The following PIK3AP1 variants were observed in gnomAD, a reference collection of about 807,000 sequenced individuals.
PIK3AP1 encodes the protein phosphoinositide-3-kinase adaptor protein 1.
PIK3AP1 carries 21 observed loss-of-function variants against 88.1 expected under a neutral mutation model. The ratio of observed to expected loss-of-function variants is 0.24; its 90% CI spans 0.17 to 0.34. The LOEUF is 0.34. PIK3AP1 is among the 10% of genes least tolerant of loss of function. The probability of loss-of-function intolerance (pLI) is 1.00; values close to 1 mark genes in which losing one functional copy is unlikely to be tolerated. For missense variants in PIK3AP1, 828 were observed against 1,035.7 expected, an observed-to-expected ratio of 0.80 and a Z score of 2.75; for synonymous variants, 398 against 400.0, an observed-to-expected ratio of 1.00 and a Z score of 0.06.
At chr10:96,652,872 C>T (rs771810257) in intron 3 of PIK3AP1, 30 bp from the exon 4 acceptor site, 66 of 1,606,734 alleles carry the variant, frequency 4.1e-5, no homozygotes, top group Non-Finnish European at 5.3e-5. Context: ...ATTGTCCCCT[C>T]TCCCTCTCAG....
At chr10:96,700,698 C>A (rs1007463857) in intron 2 of PIK3AP1, 3 of 583,430 alleles carry the variant, frequency 5.1e-6, no homozygotes, top group African/African-American at 2.0e-5. Flanking sequence ...CACAAGGCAC[C>A]AGGACAGCAG....
In PIK3AP1 at chr10:96,651,245, T is replaced by G. The variant is rs1421169725; in HGVS notation, c.988+3A>C. The G allele has an allele frequency of 1.9e-6, 3 of 1,614,244 alleles. No individual in the cohort carries two copies. The highest frequency in any genetic ancestry group is 2.5e-6 in the Non-Finnish European group (3 of 1,180,038). ...GTTTCCTGAGGTTTGACTGTCAACT[T>G]ACTTGTCATCATATCTTCTTCTTCC... On this transcript the variant is annotated splice_donor_region_variant and intron_variant, in intron 6 of 16. Coordinates refer to ENST00000339364, the MANE Select transcript of PIK3AP1 (RefSeq NM_152309.3).
intron 2 of PIK3AP1, among the ~76,000 whole-genome samples, chr10:96,662,620 C>T (rs544253121): frequency 6.6e-6 from 1 of 151,362 alleles, no homozygotes; most frequent in South Asian, 2.1e-4. Flanking sequence ...GTGGCTCACG[C>T]CTGTAATCCC....
chr10:96,620,748 T>A lies in PIK3AP1; in HGVS notation c.1736-191A>T. 3 of 578,370 alleles carry A rather than the reference T, an allele frequency of 5.2e-6. No homozygotes were observed. The South Asian group carries it at 6.3e-5, about 12-fold the overall frequency. The allele number at this position is 578,370 out of a possible 1,614,324, so 35.8% of individuals were successfully genotyped here. A position where few individuals can be genotyped will look rare whatever the true frequency, so the allele number is the denominator to read the frequency against. ...ATGCAGCTAATAATTCCAAGGCCTATCACACTGAAGTAGACAAGGCTGCAA... is the reference window on the plus strand; with the variant it reads ...ATGCAGCTAATAATTCCAAGGCCTAACACACTGAAGTAGACAAGGCTGCAA... On this transcript the variant is annotated intron_variant, in intron 11 of 16. Coordinates refer to ENST00000339364, the MANE Select transcript of PIK3AP1 (RefSeq NM_152309.3).
chr10:96,658,881 C>T (rs1843650401), intron 2 of PIK3AP1, among the ~76,000 whole-genome samples: 2 of 152,126 alleles, frequency 1.3e-5, no homozygotes, highest in South Asian at 4.1e-4. Context: ...TCAGAACCAT[C>T]GGTCTCCTCC....
intron 15 of PIK3AP1, among the ~76,000 whole-genome samples, chr10:96,603,375 T>C (rs898420826): frequency 6.6e-6 from 1 of 152,124 alleles, no homozygotes; most frequent in African/African-American, 2.4e-5. Flanking sequence ...TGTGAGGGTG[T>C]TGCCAAAGGA....
At chr10:96,614,573 C>T (rs1437645971) in intron 13 of PIK3AP1, among the ~76,000 whole-genome samples, 2 of 152,062 alleles carry the variant, frequency 1.3e-5, no homozygotes, top group Non-Finnish European at 2.9e-5. Context: ...AAATCATTAA[C>T]ATTCACTAGG....
chr10:96,639,830 A>C (rs969675744), intron 8 of PIK3AP1, among the ~76,000 whole-genome samples: 1 of 152,246 alleles, frequency 6.6e-6, no homozygotes, highest in East Asian at 1.9e-4. Context: ...TAGGAGAGAC[A>C]GTATGTTTCA....
intron 14 of PIK3AP1, among the ~76,000 whole-genome samples, chr10:96,605,715 C>T (rs1384808774): frequency 3.9e-5 from 6 of 152,070 alleles, no homozygotes; most frequent in Admixed American, 3.9e-4. Context: ...ATTTTGAATT[C>T]TTTTTTGGGG....
At chr10:96,656,675 A>G in intron 3 of PIK3AP1, 123 bp downstream of exon 3, 1 of 1,395,276 alleles carries the variant, frequency 7.2e-7, no homozygotes, top group Non-Finnish European at 9.8e-7. Context: ...AAGAAATCCC[A>G]AAGGAAGGCT....
chr10:96,608,649 G>T (rs1849044546), intron 14 of PIK3AP1, among the ~76,000 whole-genome samples: 1 of 152,222 alleles, frequency 6.6e-6, no homozygotes, highest in Non-Finnish European at 1.5e-5. Flanking sequence ...AAGTCCATGG[G>T]TGGGCAAAAT....
At chr10:96,685,362 TG>T (rs1844054536) in intron 2 of PIK3AP1, among the ~76,000 whole-genome samples, 2 of 152,044 alleles carry the variant, frequency 1.3e-5, no homozygotes, top group South Asian at 4.1e-4. Flanking sequence ...TCCACAAAGC[TG>T]GGAGGAGCAG....
rs749632281 is a variant in PIK3AP1 at position 96,595,512 on chromosome 10, A to G, written c.*65T>C. On this transcript the variant is annotated 3_prime_UTR_variant, in exon 17 of 17. Coordinates refer to ENST00000339364, the MANE Select transcript of PIK3AP1 (RefSeq NM_152309.3). The stretch of plus-strand genomic sequence containing the variant: ...ATGCTATAAAACTCAACATGAAGAC[A>G]TCATTAACAGGCTGAAGACTGTGAG... 5.4e-6 allele frequency: 8 copies of G among 1,485,924 alleles called. No individual in the cohort carries two copies. Among genetic ancestry groups the G allele is most frequent in the African/African-American group, 1.4e-5 (1 of 72,172 alleles). The allele number at this position is 1,485,924 out of a possible 1,614,324, so 92.0% of individuals were successfully genotyped here. A position where few individuals can be genotyped will look rare whatever the true frequency, so the allele number is the denominator to read the frequency against.
chr10:96,706,949 T>G (rs1432439998), intron 2 of PIK3AP1, among the ~76,000 whole-genome samples: 1 of 152,234 alleles, frequency 6.6e-6, no homozygotes. Context: ...GCTATAAGGC[T>G]TCCTTCCTCC....
intron 16 of PIK3AP1, among the ~76,000 whole-genome samples, chr10:96,601,121 C>T (rs1249599472): frequency 6.6e-6 from 1 of 152,070 alleles, no homozygotes. Flanking sequence ...TCACTATAGG[C>T]CAAGAACTCA....
At chr10:96,632,479 G>T (rs1843257782) in intron 8 of PIK3AP1, among the ~76,000 whole-genome samples, 1 of 151,782 alleles carries the variant, frequency 6.6e-6, no homozygotes, top group Non-Finnish European at 1.5e-5. Context: ...AGCTCCTGAG[G>T]ATGACCCCAT....
chr10:96,608,931 C>A (rs1849052333), intron 14 of PIK3AP1, among the ~76,000 whole-genome samples: 1 of 152,190 alleles, frequency 6.6e-6, no homozygotes, highest in Non-Finnish European at 1.5e-5. Context: ...AAGAGAAACT[C>A]AATCTATGTG....
At chr10:96,634,313 A>G (rs1843285131) in intron 8 of PIK3AP1, among the ~76,000 whole-genome samples, 1 of 152,226 alleles carries the variant, frequency 6.6e-6, no homozygotes, top group Non-Finnish European at 1.5e-5. Context: ...GAGTAAAGGT[A>G]CGGACAAGGG....
chr10:96,720,481 G>C lies in PIK3AP1; in HGVS notation c.-87C>G. The C allele has an allele frequency of 8.6e-7, 1 of 1,161,366 alleles. No homozygotes were observed. The highest frequency in any genetic ancestry group is 3.4e-4 in the Middle Eastern group (1 of 2,946). The allele number at this position is 1,161,366 out of a possible 1,614,324, so 71.9% of individuals were successfully genotyped here. ...CGGCGTCCTGGCTCGGGCTGGAGGG[G>C]CGCCGGGCTCCGCGCGGGACCGGCC... is the stretch of plus-strand genomic sequence containing the variant. On this transcript the variant is annotated 5_prime_UTR_variant, in exon 1 of 17. Coordinates refer to ENST00000339364, the MANE Select transcript of PIK3AP1 (RefSeq NM_152309.3). This position sits in a 1 kb window ranked among gnomAD's most constrained non-coding sequence, Gnocchi z 4.6.
Sources: gnomAD v4.1 joint callset for allele counts (sites outside exome capture counted in the v4.1 genomes callset) on GRCh38, gnomAD v4.1.1 for gene constraint, Gnocchi (gnomAD v3.1) non-coding constraint, MANE v1.5 for transcripts, NCBI Gene and HGNC (gene_info 2026-07-23, HGNC 2026-07-21) for gene names.